RSPO2: variants seen among roughly 807,000 people sequenced by gnomAD.
The protein encoded by RSPO2 is R-spondin-2.
RSPO2 carries 14 observed loss-of-function variants against 30.9 expected under a neutral mutation model. The ratio of observed to expected loss-of-function variants is 0.45; its 90% CI spans 0.30 to 0.71. RSPO2 has a LOEUF of 0.71. RSPO2 is among the 30% of genes least tolerant of loss of function. The pLI, the probability that RSPO2 is intolerant of heterozygous loss-of-function variation, is 0.08. For synonymous variants in RSPO2, 107 were observed against 96.4 expected (o/e 1.11, Z -0.64); for missense variants, 264 against 301.9 (o/e 0.87, Z 0.93).
At chr8:108,022,392 T>C (rs1811085285) in intron 2 of RSPO2, among the ~76,000 whole-genome samples, 1 of 152,176 alleles carries the variant, frequency 6.6e-6, no homozygotes, top group Non-Finnish European at 1.5e-5. Context: ...GTCATCAACC[T>C]GGCCTCTGGA....
intron 2 of RSPO2, among the ~76,000 whole-genome samples, chr8:108,043,812 C>T (rs1255193916): frequency 1.3e-5 from 2 of 152,086 alleles, no homozygotes; most frequent in African/African-American, 4.8e-5. Context: ...AAAGAAGTCT[C>T]TGGGAGGCAA....
At chr8:108,056,840 G>A (rs1812263846) in intron 2 of RSPO2, among the ~76,000 whole-genome samples, 1 of 150,884 alleles carries the variant, frequency 6.6e-6, no homozygotes. Context: ...TGGATCACTT[G>A]AGGTCAGGAG....
rs869040336 is a variant in RSPO2 at position 108,003,311 on chromosome 8, ATTTTTTTTTTT to A, written c.95-14078_95-14068del. ...TATATATATATATATATATATATAT[ATTTTTTTTTTT>A]TTTTTTTTTTTTTTTAAGTAGAGAC... On this transcript the variant is annotated intron_variant, in intron 2 of 5. Coordinates refer to ENST00000276659, the MANE Select transcript of RSPO2 (RefSeq NM_178565.5). Among the ~76,000 whole-genome samples, 167 of 28,864 alleles carry A rather than the reference ATTTTTTTTTTT, an allele frequency of 5.8e-3. 2 individuals are homozygous for A. The highest frequency in any genetic ancestry group is 0.02 in the African/African-American group (157 of 7,704). The allele number at this position is 28,864 out of a possible 152,430, so 18.9% of individuals were successfully genotyped here.
In RSPO2 at chr8:107,989,236, C is replaced by A; in HGVS notation, c.103G>T (p.Val35Leu). Residue 35 changes from valine to leucine, a missense_variant, in exon 3 of 6, where the codon GTA (valine) becomes TTA (leucine). Transcript: ENST00000276659. Reference protein sequence around the residue: ...RWRRSKRASYVSNPICKGCLS... With the variant: ...RWRRSKRASYLSNPICKGCLS... Reference sequence around the variant, plus strand: ...CAACCCTTGCAAATGGGATTTGATACATAACTAGCTGTAAAAGAAAAACAA... The same window carrying A: ...CAACCCTTGCAAATGGGATTTGATAAATAACTAGCTGTAAAAGAAAAACAA... The A allele has an allele frequency of 6.4e-7, 1 of 1,555,212 alleles. No homozygotes were observed. The highest frequency in any genetic ancestry group is 8.6e-7 in the Non-Finnish European group (1 of 1,157,552).
intron 2 of RSPO2, among the ~76,000 whole-genome samples, chr8:108,055,863 A>T (rs1388952976): frequency 6.6e-6 from 1 of 152,182 alleles, no homozygotes; most frequent in African/African-American, 2.4e-5. Context: ...TTAGTACAAT[A>T]TCCTGGAGAA....
At chr8:107,967,251 C>G (rs948733978) in intron 3 of RSPO2, among the ~76,000 whole-genome samples, 4 of 152,128 alleles carry the variant, frequency 2.6e-5, no homozygotes, top group African/African-American at 9.7e-5. Context: ...AAGCACTAGA[C>G]TATGGAACTT....
intron 5 of RSPO2, among the ~76,000 whole-genome samples, chr8:107,912,952 G>A (rs1328704431): frequency 6.6e-6 from 1 of 152,126 alleles, no homozygotes; most frequent in Non-Finnish European, 1.5e-5. Flanking sequence ...ATATCCCTAT[G>A]AAATACTTTA....
chr8:107,976,970 A>G lies in RSPO2; in HGVS notation c.283+12086T>C, dbSNP rs144770746. Among the ~76,000 whole-genome samples the G allele has an allele frequency of 2.5e-3, 387 of 152,352 alleles. 1 individual carries two copies. The highest frequency in any genetic ancestry group is 4.5e-3 in the Non-Finnish European group (308 of 68,032). ...ATGTGCCAGAACACATAAAGTAGTG[A>G]AAATCTTAGAGAAGGAAGAAACATG... On this transcript the variant is annotated intron_variant, in intron 3 of 5. Coordinates refer to ENST00000276659, the MANE Select transcript of RSPO2 (RefSeq NM_178565.5).
intron 2 of RSPO2, among the ~76,000 whole-genome samples, chr8:108,070,727 A>C (rs1456927283): frequency 1.3e-5 from 2 of 152,150 alleles, no homozygotes; most frequent in African/African-American, 2.4e-5. Flanking sequence ...AAAGGTCCTT[A>C]GAGTTCACTC....
chr8:107,901,180 T>G lies in RSPO2; in HGVS notation c.627A>C (p.Thr209=), dbSNP rs1811449411. The part of the protein sequence containing the change: ...TMRHCPGGKR[T]PKAKEKRNKK... ...TGTTCCTCTTCTCCTTCGCCTTTGGTGTTCTCTTCCCTGCAATGAAGGAAA... is the reference window on the plus strand; with the variant it reads ...TGTTCCTCTTCTCCTTCGCCTTTGGGGTTCTCTTCCCTGCAATGAAGGAAA... The change falls in exon 6 of 6, where the codon ACA becomes ACC. Residue 209 remains threonine (T), a synonymous_variant. Coordinates refer to ENST00000276659, the MANE Select transcript of RSPO2 (RefSeq NM_178565.5). 1 of 1,613,362 alleles carries G rather than the reference T, an allele frequency of 6.2e-7. No individual in the cohort carries two copies. Among genetic ancestry groups the G allele is most frequent in the Admixed American group, 1.7e-5 (1 of 59,836 alleles).
At chr8:107,977,644 A>G (rs1019994868) in intron 3 of RSPO2, among the ~76,000 whole-genome samples, 1 of 152,132 alleles carries the variant, frequency 6.6e-6, no homozygotes, top group African/African-American at 2.4e-5. Flanking sequence ...AAACTATACA[A>G]ATTTGTGTGG....
chr8:107,942,415 T>G (rs1317245503), intron 5 of RSPO2, among the ~76,000 whole-genome samples: 1 of 152,214 alleles, frequency 6.6e-6, no homozygotes, highest in Non-Finnish European at 1.5e-5. Context: ...ATCACATAGT[T>G]TCATTATATA....
At chr8:107,973,860 C>T (rs1586591637) in intron 3 of RSPO2, among the ~76,000 whole-genome samples, 2 of 152,256 alleles carry the variant, frequency 1.3e-5, no homozygotes, top group South Asian at 4.1e-4. Context: ...TTGGAAAAAG[C>T]ATAAGCCGCA....
chr8:107,951,470 G>A (rs569361775), intron 5 of RSPO2, among the ~76,000 whole-genome samples: 31 of 152,144 alleles, frequency 2.0e-4, no homozygotes, highest in Non-Finnish European at 3.2e-4. Flanking sequence ...CTGACACCAT[G>A]TGTGTCCTAT....
At chr8:107,997,888 T>C (rs545903381) in intron 2 of RSPO2, among the ~76,000 whole-genome samples, 4 of 152,302 alleles carry the variant, frequency 2.6e-5, no homozygotes, top group Non-Finnish European at 5.9e-5. Flanking sequence ...TCTAATATAC[T>C]CCTGACTTTT....
chr8:107,983,165 G>A (rs1037400081), intron 3 of RSPO2: 3 of 1,536,894 alleles, frequency 2.0e-6, no homozygotes, highest in African/African-American at 2.8e-5. Flanking sequence ...CAGAGCAGAT[G>A]AGCAGACCGT....
intron 2 of RSPO2, among the ~76,000 whole-genome samples, chr8:108,079,818 T>TA (rs35351453): frequency 0.17 from 25,146 of 152,084 alleles, 2,696 homozygotes; most frequent in East Asian, 0.43. Context: ...ACACCTTTTA[T>TA]AAAAAATACC....
At chr8:107,948,910 A>G (rs1813153117) in intron 5 of RSPO2, among the ~76,000 whole-genome samples, 1 of 151,362 alleles carries the variant, frequency 6.6e-6, no homozygotes, top group Non-Finnish European at 1.5e-5. Context: ...GAAAATACAT[A>G]TTTATTGACA....
chr8:107,920,700 G>T (rs1812135433), intron 5 of RSPO2, among the ~76,000 whole-genome samples: 3 of 152,066 alleles, frequency 2.0e-5, no homozygotes, highest in Admixed American at 1.3e-4. Flanking sequence ...TTTAGAAGTA[G>T]AAATTAGATA....
Sources: allele counts gnomAD v4.1 joint callset (sites outside exome capture counted in the v4.1 genomes callset), GRCh38; gene constraint gnomAD v4.1.1; transcripts MANE v1.5; gene names NCBI Gene and HGNC (gene_info 2026-07-23, HGNC 2026-07-21).